The following RABGAP1L variants were observed in gnomAD, a reference collection of about 807,000 sequenced individuals.
RABGAP1L encodes the protein rab GTPase-activating protein 1-like.
Under a neutral mutation model 137.7 loss-of-function variants are expected in RABGAP1L, and 63 were observed. The observed-to-expected ratio is 0.46, with a 90% confidence interval of 0.37 to 0.56. The LOEUF is 0.56. RABGAP1L is among the 20% of genes least tolerant of loss of function. RABGAP1L has a pLI of 0.00. For missense variants in RABGAP1L, 1,095 were observed against 1,244.0 expected (o/e 0.88, Z 1.80); for synonymous variants, 431 against 433.7 (o/e 0.99, Z 0.08).
At chr1:174,905,307 G>C (rs1306932174) in intron 19 of RABGAP1L, among the ~76,000 whole-genome samples, 1 of 152,164 alleles carries the variant, frequency 6.6e-6, no homozygotes, top group African/African-American at 2.4e-5. Flanking sequence ...GTGATGATTT[G>C]TAAGATCTGT....
chr1:174,575,680 C>T (rs1668318756), intron 13 of RABGAP1L, among the ~76,000 whole-genome samples: 1 of 152,152 alleles, frequency 6.6e-6, no homozygotes, highest in South Asian at 2.1e-4. Context: ...TTTATTTGAG[C>T]ACCAAAGTAA....
intron 14 of RABGAP1L, among the ~76,000 whole-genome samples, chr1:174,680,251 A>G (rs1408942391): frequency 2.0e-5 from 3 of 152,302 alleles, no homozygotes; most frequent in Admixed American, 6.5e-5. Context: ...AGGTGATACT[A>G]TTAAGAGATG....
intron 19 of RABGAP1L, among the ~76,000 whole-genome samples, chr1:174,880,612 C>T (rs1456741845): frequency 7.0e-6 from 1 of 142,752 alleles, no homozygotes; most frequent in Non-Finnish European, 1.5e-5. Flanking sequence ...TTTTTTGAGA[C>T]AAGGTCTCAC....
intron 18 of RABGAP1L, among the ~76,000 whole-genome samples, chr1:174,808,761 C>G (rs1689584942): frequency 6.6e-6 from 1 of 151,652 alleles, no homozygotes; most frequent in South Asian, 2.1e-4. Context: ...TCAAGCGATT[C>G]TCCTGCCTCA....
At chr1:174,959,921 A>G (rs1668935773) in intron 20 of RABGAP1L, among the ~76,000 whole-genome samples, 2 of 152,210 alleles carry the variant, frequency 1.3e-5, no homozygotes, top group South Asian at 4.1e-4. Flanking sequence ...AATACCTTTT[A>G]CATCTTCTAA....
intron 11 of RABGAP1L, among the ~76,000 whole-genome samples, chr1:174,327,696 G>A (rs951296346): frequency 1.3e-4 from 19 of 151,576 alleles, no homozygotes; most frequent in African/African-American, 3.4e-4. Flanking sequence ...TTGAAAAGAC[G>A]CAGAGTGGCT....
intron 2 of RABGAP1L, among the ~76,000 whole-genome samples, chr1:174,219,702 G>T (rs1239603980): frequency 1.3e-5 from 2 of 152,096 alleles, no homozygotes; most frequent in Non-Finnish European, 2.9e-5. Context: ...ACGTTCCGTT[G>T]TGTGATTTAA....
chr1:174,788,555 C>G (rs1275967769), intron 18 of RABGAP1L, among the ~76,000 whole-genome samples: 1 of 152,230 alleles, frequency 6.6e-6, no homozygotes. Flanking sequence ...CCTTCAGTCT[C>G]TTCCTCTCTT....
chr1:174,336,520 A>C, intron 11 of RABGAP1L, among the ~76,000 whole-genome samples: 1 of 152,238 alleles, frequency 6.6e-6, no homozygotes, highest in Admixed American at 6.5e-5. Flanking sequence ...TATGTGTGGC[A>C]GGCACTGGTT....
At chr1:174,683,058 GTTT>G (rs35576869) in intron 14 of RABGAP1L, among the ~76,000 whole-genome samples, 2,982 of 111,622 alleles carry the variant, frequency 0.027, 37 homozygotes, top group Middle Eastern at 0.12. Context: ...TTCTAAAGGG[GTTT>G]TTTTTTTTTT....
intron 14 of RABGAP1L, among the ~76,000 whole-genome samples, chr1:174,670,728 A>G (rs1190426525): frequency 2.6e-5 from 4 of 152,132 alleles, no homozygotes. Context: ...AATTGATAGG[A>G]TATTTTTTAA....
chr1:174,910,373 A>G (rs532563529), intron 19 of RABGAP1L, among the ~76,000 whole-genome samples: 1 of 152,316 alleles, frequency 6.6e-6, no homozygotes, highest in South Asian at 2.1e-4. Context: ...GAAGTAGAAG[A>G]AATGATTATG....
At chr1:174,936,603 T>A (rs1345833384) in intron 19 of RABGAP1L, among the ~76,000 whole-genome samples, 1 of 152,072 alleles carries the variant, frequency 6.6e-6, no homozygotes, top group African/African-American at 2.4e-5. Flanking sequence ...TCTCAAAAAA[T>A]AAATAAATAC....
intron 19 of RABGAP1L, among the ~76,000 whole-genome samples, chr1:174,865,790 A>G (rs1415677587): frequency 2.6e-5 from 4 of 152,156 alleles, no homozygotes; most frequent in Non-Finnish European, 5.9e-5. Flanking sequence ...GAAATATTAG[A>G]TTATTAGTAG....
intron 15 of RABGAP1L, among the ~76,000 whole-genome samples, chr1:174,694,915 C>G (rs1679139236): frequency 6.6e-6 from 1 of 151,784 alleles, no homozygotes; most frequent in South Asian, 2.1e-4. Context: ...GATGGTATCT[C>G]ATTGTGGTTT....
At chr1:174,797,119 AATTTTTACTT>A (rs1375202035) in intron 18 of RABGAP1L, among the ~76,000 whole-genome samples, 2 of 152,172 alleles carry the variant, frequency 1.3e-5, no homozygotes, top group Non-Finnish European at 2.9e-5. Flanking sequence ...CATTTTGATT[AATTTTTACTT>A]ATTTTTACTG....
intron 19 of RABGAP1L, among the ~76,000 whole-genome samples, chr1:174,903,793 A>G (rs562370039): frequency 6.6e-6 from 1 of 152,124 alleles, no homozygotes; most frequent in African/African-American, 2.4e-5. Flanking sequence ...CCTACTAAAA[A>G]TACAAAATTA....
chr1:174,660,275 A>G (rs1676276369), intron 14 of RABGAP1L, among the ~76,000 whole-genome samples: 1 of 152,210 alleles, frequency 6.6e-6, no homozygotes, highest in Non-Finnish European at 1.5e-5. Flanking sequence ...AGAGGGAAAG[A>G]AATTCCTAAA....
chr1:174,625,483 G>C (rs564863568), intron 13 of RABGAP1L, among the ~76,000 whole-genome samples: 1 of 152,272 alleles, frequency 6.6e-6, no homozygotes, highest in African/African-American at 2.4e-5. Flanking sequence ...GCCCAGGCTG[G>C]AGTGCAGTGG....
Sources: gnomAD v4.1 joint callset for allele counts (sites outside exome capture counted in the v4.1 genomes callset) on GRCh38, gnomAD v4.1.1 for gene constraint, MANE v1.5 for transcripts, NCBI Gene and HGNC (gene_info 2026-07-23, HGNC 2026-07-21) for gene names.